The following PLEKHD1 variants were observed in gnomAD, a reference collection of about 807,000 sequenced individuals.
PLEKHD1 encodes pleckstrin homology and coiled-coil domain containing D1.
A neutral mutation model predicts 69.2 loss-of-function variants in PLEKHD1; 51 were observed. The ratio of observed to expected loss-of-function variants is 0.74; its 90% CI spans 0.59 to 0.93. The LOEUF (loss-of-function observed/expected upper bound fraction) is 0.93, where lower values mean the gene tolerates loss of function less well. Ranked by LOEUF, PLEKHD1 falls within the 40% of genes least tolerant of loss-of-function variation. PLEKHD1 has a pLI of 0.00. For missense variants in PLEKHD1, 584 were observed against 641.0 expected, an observed-to-expected ratio of 0.91 and a Z score of 0.96; for synonymous variants, 236 against 244.7, an observed-to-expected ratio of 0.96 and a Z score of 0.33.
At chr14:69,528,115 C>A in intron 12 of PLEKHD1, 135 bp from the exon 13 acceptor site, 1 of 1,404,530 alleles carries the variant, frequency 7.1e-7, no homozygotes, top group African/African-American at 1.4e-5. Flanking sequence ...ATATGGAAGC[C>A]CGTGTGTGTG....
At position 69,513,306 on chromosome 14, in the gene PLEKHD1, G is replaced by A. The variant is rs574742830; in HGVS notation, c.556-8977G>A. Among the ~76,000 whole-genome samples the A allele has an allele frequency of 1.8e-3, 270 of 152,060 alleles. 2 individuals are homozygous for A. The highest frequency in any genetic ancestry group is 5.4e-3 in the African/African-American group (226 of 41,508). ...GTTTAATGGAGTAAATGAAAGATTC[G>A]CGAATCAGGCAGCCCTCAGAATCAC... On this transcript the variant is annotated intron_variant, in intron 6 of 12. Coordinates refer to ENST00000322564, the MANE Select transcript of PLEKHD1 (RefSeq NM_001161498.2).
In PLEKHD1 at chr14:69,485,080, C is replaced by A. The variant is rs767533188; in HGVS notation, c.115C>A (p.Pro39Thr). The A allele has an allele frequency of 1.0e-4, 162 of 1,551,014 alleles. 1 individual carries two copies. The highest frequency in any genetic ancestry group is 1.6e-4 in the Admixed American group (8 of 50,994). ...GCTCTACGGCGTGCTGTGGAAGAGG[C>A]CTTTCGGCAGGCCGTCGGCCAAGTG... ...VQLYGVLWKR[P>T]FGRPSAKWSR... is the part of the protein sequence containing the mutation. Residue 39 changes from proline to threonine, a missense_variant, in exon 1 of 13, where the codon CCT (proline) becomes ACT (threonine). Transcript: ENST00000322564.
the PLEKHD1 span, among the ~76,000 whole-genome samples, chr14:69,477,133 T>C: frequency 6.6e-6 from 1 of 152,162 alleles, no homozygotes; most frequent in Non-Finnish European, 1.5e-5. Context: ...CGCCTCAGCC[T>C]CCTAAGTAGC....
chr14:69,512,717 T>C (rs1330120009), intron 6 of PLEKHD1, among the ~76,000 whole-genome samples: 1 of 152,188 alleles, frequency 6.6e-6, no homozygotes, highest in African/African-American at 2.4e-5. Flanking sequence ...TGTTGATTTC[T>C]AGCACAATTC....
At chr14:69,503,031 G>GTAA in intron 6 of PLEKHD1, 152 bp downstream of exon 6, 1 of 809,432 alleles carries the variant, frequency 1.2e-6, no homozygotes, top group Non-Finnish European at 2.0e-6. Context: ...CACAGTGCTT[G>GTAA]CTTGGGACTT....
At position 69,485,065 on chromosome 14, in the gene PLEKHD1, G is replaced by A. The variant is rs868000360; in HGVS notation, c.100G>A (p.Val34Met). 2 of 1,551,230 alleles carry A rather than the reference G, an allele frequency of 1.3e-6. No individual in the cohort carries two copies. Among genetic ancestry groups the A allele is most frequent in the African/African-American group, 1.4e-5 (1 of 73,058 alleles). ...CAGCACCAAAGTGCAGCTCTACGGC[G>A]TGCTGTGGAAGAGGCCTTTCGGCAG... ...DISTKVQLYG[V>M]LWKRPFGRPS... is the part of the protein sequence containing the mutation. Residue 34 changes from valine to methionine, a missense_variant, in exon 1 of 13, where the codon GTG becomes ATG. Coordinates refer to ENST00000322564, the MANE Select transcript of PLEKHD1 (RefSeq NM_001161498.2).
At chr14:69,515,773 C>T (rs1483074846) in intron 6 of PLEKHD1, among the ~76,000 whole-genome samples, 1 of 152,158 alleles carries the variant, frequency 6.6e-6, no homozygotes, top group Non-Finnish European at 1.5e-5. Context: ...TCACTTATCA[C>T]CAAGGGGATG....
chr14:69,520,890 C>G (rs1392549535), intron 6 of PLEKHD1, among the ~76,000 whole-genome samples: 1 of 152,192 alleles, frequency 6.6e-6, no homozygotes, highest in Admixed American at 6.5e-5. Flanking sequence ...GCTCTCATTC[C>G]ATTGGCTTTA....
rs1431254125 is a variant in PLEKHD1, at chr14:69,526,784, G to T, written c.1011G>T (p.Leu337=). ...AGTCCCAGGCACTGCAGAACTCGCT[G>T]CAGGAGCTGACGGCAGAGAAGCAGC... ...SSQSQALQNS[L]QELTAEKQQA... The change falls in exon 10 of 13, where the codon CTG becomes CTT. Residue 337 remains leucine (L), a synonymous_variant. Coordinates refer to ENST00000322564, the MANE Select transcript of PLEKHD1 (RefSeq NM_001161498.2). 6.5e-7 allele frequency: 1 copy of T among 1,550,236 alleles called. No homozygotes were observed. Among genetic ancestry groups the T allele is most frequent in the Non-Finnish European group, 8.7e-7 (1 of 1,146,432 alleles).
At chr14:69,471,779 T>C in the PLEKHD1 span, among the ~76,000 whole-genome samples, 1 of 152,158 alleles carries the variant, frequency 6.6e-6, no homozygotes, top group South Asian at 2.1e-4. Context: ...CATGGTAGTC[T>C]AGTATTTGGC....
chr14:69,513,356 G>A (rs1883314467), intron 6 of PLEKHD1, among the ~76,000 whole-genome samples: 1 of 152,142 alleles, frequency 6.6e-6, no homozygotes, highest in South Asian at 2.1e-4. Context: ...GACTCCAGGG[G>A]TGCCTGTGAT....
intron 6 of PLEKHD1, 63 bp downstream of exon 6, chr14:69,502,942 G>C: frequency 6.5e-7 from 1 of 1,536,170 alleles, no homozygotes; most frequent in Non-Finnish European, 8.8e-7. Flanking sequence ...CTAGCACTAG[G>C]GAATGATGCA....
At chr14:69,489,783 G>A (rs940167906) in intron 1 of PLEKHD1, among the ~76,000 whole-genome samples, 2 of 152,094 alleles carry the variant, frequency 1.3e-5, no homozygotes, top group African/African-American at 4.8e-5. Context: ...TACCACAAGG[G>A]AATGGGGAAC....
upstream of PLEKHD1, among the ~76,000 whole-genome samples, chr14:69,483,356 C>T (rs964627113): frequency 6.6e-6 from 1 of 151,792 alleles, no homozygotes; most frequent in African/African-American, 2.4e-5. Flanking sequence ...GCAGAGGGGC[C>T]AGGCAGGTCA....
At chr14:69,507,449 T>A (rs1883177502) in intron 6 of PLEKHD1, among the ~76,000 whole-genome samples, 1 of 152,244 alleles carries the variant, frequency 6.6e-6, no homozygotes. Context: ...TTGACAATTA[T>A]GAATAAAATT....
At chr14:69,511,586 G>A (rs900464126) in intron 6 of PLEKHD1, among the ~76,000 whole-genome samples, 4 of 151,756 alleles carry the variant, frequency 2.6e-5, no homozygotes, top group Non-Finnish European at 5.9e-5. Flanking sequence ...GTCTTGCTCT[G>A]TCACCCAGGC....
intron 6 of PLEKHD1, among the ~76,000 whole-genome samples, chr14:69,506,780 C>A (rs1275730): frequency 0.3 from 46,168 of 151,496 alleles, 7,965 homozygotes; most frequent in African/African-American, 0.47. Flanking sequence ...TGTACATCCT[C>A]TGGATTTTGG....
chr14:69,500,038 C>G, intron 1 of PLEKHD1, 77 bp from the exon 2 acceptor site: 1 of 1,034,554 alleles, frequency 9.7e-7, no homozygotes, highest in Non-Finnish European at 1.5e-6. Context: ...CCAGGGCCCC[C>G]AAGGGTGCTC....
rs1427822925 is a variant in PLEKHD1 at position 69,495,913 on chromosome 14, A to G, written c.150-4202A>G. Among the ~76,000 whole-genome samples, 5 of 152,204 alleles carry G rather than the reference A, an allele frequency of 3.3e-5. No homozygotes were observed. In the South Asian group the frequency reaches 8.3e-4, roughly 25 times the overall value. The stretch of plus-strand genomic sequence containing the variant: ...CATCTCTATGTCTCATTTATTCGTC[A>G]TCCGACACCCACTACATGCAAGTAG... On this transcript the variant is annotated intron_variant, in intron 1 of 12. Coordinates refer to ENST00000322564, the MANE Select transcript of PLEKHD1 (RefSeq NM_001161498.2).
Sources: allele counts gnomAD v4.1 joint callset (sites outside exome capture counted in the v4.1 genomes callset), GRCh38; gene constraint gnomAD v4.1.1; transcripts MANE v1.5; gene names NCBI Gene and HGNC (gene_info 2026-07-23, HGNC 2026-07-21).